Variants in ARID5B observed in about 807,000 individuals in gnomAD.
ARID5B encodes the protein AT-rich interaction domain 5B.
Under a neutral mutation model 97.2 loss-of-function variants are expected in ARID5B, and 13 were observed. The ratio of observed to expected loss-of-function variants is 0.13; its 90% confidence interval spans 0.09 to 0.21. The LOEUF is 0.21. Ranked by LOEUF, ARID5B falls within the 10% of genes least tolerant of loss-of-function variation. The probability of loss-of-function intolerance (pLI) is 1.00; values close to 1 mark genes in which losing one functional copy is unlikely to be tolerated. For missense variants in ARID5B, 1,210 were observed against 1,465.3 expected (o/e 0.83, Z 2.84); for synonymous variants, 556 against 570.3 (o/e 0.97, Z 0.36).
In ARID5B at chr10:62,057,852, A is replaced by G. The variant is rs185984322; in HGVS notation, c.1048+534A>G. ...AATTTTGAATTACTTTGACATGTAC[A>G]TTTAAATATAAGTGTCATTGTATAT... On this transcript the variant is annotated intron_variant, in intron 6 of 9. Coordinates refer to ENST00000279873, the MANE Select transcript of ARID5B (RefSeq NM_032199.3). Among the ~76,000 whole-genome samples, 16 of 152,324 alleles carry G rather than the reference A, an allele frequency of 1.1e-4. No individual in the cohort carries two copies. In the East Asian group the frequency reaches 3.1e-3, roughly 29 times the overall value.
At chr10:62,036,548 A>G (rs1839566807) in intron 4 of ARID5B, among the ~76,000 whole-genome samples, 1 of 152,220 alleles carries the variant, frequency 6.6e-6, no homozygotes, top group African/African-American at 2.4e-5. Flanking sequence ...CCTGCGCTTC[A>G]TGCACTCCAA....
chr10:61,920,390 C>A (rs1053940663), intron 2 of ARID5B, among the ~76,000 whole-genome samples: 3 of 149,582 alleles, frequency 2.0e-5, no homozygotes, highest in African/African-American at 7.4e-5. Flanking sequence ...AGTGCAATGG[C>A]GCAATCTCGG....
intron 8 of ARID5B, among the ~76,000 whole-genome samples, chr10:62,074,142 A>C (rs1840098430): frequency 6.6e-6 from 1 of 152,226 alleles, no homozygotes; most frequent in Admixed American, 6.5e-5. Context: ...AATAAATTAC[A>C]TGGTCTGTTT....
intron 2 of ARID5B, among the ~76,000 whole-genome samples, chr10:61,906,603 G>C (rs761855964): frequency 6.6e-6 from 1 of 152,178 alleles, no homozygotes; most frequent in Non-Finnish European, 1.5e-5. Flanking sequence ...TGATGTCCAG[G>C]AGTCAAGATC....
At chr10:61,912,508 C>T (rs1259667825) in intron 2 of ARID5B, among the ~76,000 whole-genome samples, 1 of 151,912 alleles carries the variant, frequency 6.6e-6, no homozygotes, top group Non-Finnish European at 1.5e-5. Flanking sequence ...ATATGTACAT[C>T]AAATCATCAC....
chr10:62,095,981 A>G lies in ARID5B; in HGVS notation c.*2951A>G, dbSNP rs1367137332. ...TGGAGATTTGGAGATTCTAAATAAT[A>G]TTTTTAAAAAACTTCCATGCAACTT... On this transcript the variant is annotated 3_prime_UTR_variant, in exon 10 of 10. Transcript: ENST00000279873. 4.3e-6 allele frequency: 1 copy of G among 232,490 alleles called. No individual in the cohort carries two copies. Among genetic ancestry groups the G allele is most frequent in the East Asian group, 6.1e-5 (1 of 16,442 alleles). 14.4% of individuals were successfully genotyped at this position (232,490 alleles called of 1,614,324 possible).
chr10:61,903,184 G>T (rs559577155), intron 2 of ARID5B, among the ~76,000 whole-genome samples: 7 of 152,078 alleles, frequency 4.6e-5, no homozygotes, highest in African/African-American at 1.7e-4. Flanking sequence ...GGGGGCGGGG[G>T]AGGGGAGGGC....
At chr10:62,019,671 A>ATTTGTTTTACTC (rs1481498250) in intron 4 of ARID5B, among the ~76,000 whole-genome samples, 6 of 152,318 alleles carry the variant, frequency 3.9e-5, no homozygotes, top group African/African-American at 1.4e-4. Context: ...AACAAATGTA[A>ATTTGTTTTACTC]TTTTAGTTTG....
At chr10:61,999,052 T>C (rs1386961280) in intron 3 of ARID5B, among the ~76,000 whole-genome samples, 1 of 152,238 alleles carries the variant, frequency 6.6e-6, no homozygotes, top group Non-Finnish European at 1.5e-5. Flanking sequence ...ACACTGGGTC[T>C]TAAAGCAACC....
At chr10:61,922,788 C>T (rs906901457) in intron 2 of ARID5B, among the ~76,000 whole-genome samples, 5 of 152,188 alleles carry the variant, frequency 3.3e-5, no homozygotes, top group Admixed American at 6.5e-5. Flanking sequence ...GTTGTGTATA[C>T]GTCAGGAGAG....
intron 2 of ARID5B, among the ~76,000 whole-genome samples, chr10:61,930,693 C>A (rs1419782710): frequency 6.8e-6 from 1 of 146,270 alleles, no homozygotes; most frequent in African/African-American, 2.6e-5. Flanking sequence ...GCACTCCAGC[C>A]TGGGCGACAG....
chr10:62,090,722 A>G, intron 9 of ARID5B, 140 bp from the exon 10 acceptor site: 1 of 1,066,786 alleles, frequency 9.4e-7, no homozygotes, highest in Non-Finnish European at 1.3e-6. Flanking sequence ...TTGGGGAGTA[A>G]TAAAGCTTTA....
At chr10:61,961,364 T>G (rs1373724248) in intron 3 of ARID5B, among the ~76,000 whole-genome samples, 1 of 152,192 alleles carries the variant, frequency 6.6e-6, no homozygotes, top group African/African-American at 2.4e-5. Flanking sequence ...ATACCACAGT[T>G]AAGTCATTTC....
At chr10:61,912,821 C>A (rs189580145) in intron 2 of ARID5B, among the ~76,000 whole-genome samples, 1 of 152,064 alleles carries the variant, frequency 6.6e-6, no homozygotes, top group Non-Finnish European at 1.5e-5. Flanking sequence ...AGCCAAGTTA[C>A]CCCCCAGTTG....
At position 62,092,712 on chromosome 10, in the gene ARID5B, C is replaced by T. The variant is rs763918417; in HGVS notation, c.3249C>T (p.Ser1083=). 6.8e-6 allele frequency: 11 copies of T among 1,613,946 alleles called. 1 individual carries two copies. The highest frequency in any genetic ancestry group is 1.7e-5 in the Admixed American group (1 of 59,998). ...LSSPIFPGLY[S]GSLCNSGLNS... The stretch of plus-strand genomic sequence containing the variant: ...CCCCTATCTTCCCAGGTCTGTATTC[C>T]GGGAGCCTGTGTAACTCGGGCCTCA... Residue 1083 remains serine, a synonymous_variant, in exon 10 of 10, where the codon TCC becomes TCT. Coordinates refer to ENST00000279873, the MANE Select transcript of ARID5B (RefSeq NM_032199.3).
At chr10:61,940,127 A>T in intron 2 of ARID5B, 56 bp from the exon 3 acceptor site, 1 of 1,538,378 alleles carries the variant, frequency 6.5e-7, no homozygotes, top group Non-Finnish European at 9.0e-7. Context: ...AGAGTGGATC[A>T]TTTCCCTCAA....
chr10:62,092,492 G>C lies in ARID5B; in HGVS notation c.3029G>C (p.Arg1010Pro), dbSNP rs137983907. Residue 1010 changes from arginine to proline, a missense_variant, in exon 10 of 10, where the codon CGG becomes CCG. By Grantham distance (103) the Arg-to-Pro change is moderately radical (BLOSUM62 -2). Around this residue, in one of 8 missense-constraint regions of ARID5B, gnomAD observed 800 missense variants for 839.1 expected, o/e 0.95. Coordinates refer to ENST00000279873, the MANE Select transcript of ARID5B (RefSeq NM_032199.3). ...KMSPQNIGAA[R>P]PIKRSLEDLD... ...AGCCCGCAGAACATTGGGGCGGCGC[G>C]GCCGATCAAGCGCAGCCTGGAGGAT... 1 of 1,614,036 alleles carries C rather than the reference G, an allele frequency of 6.2e-7. No individual in the cohort carries two copies. The highest frequency in any genetic ancestry group is 1.3e-5 in the African/African-American group (1 of 74,934).
chr10:61,923,585 T>TA (rs1315912895), intron 2 of ARID5B, among the ~76,000 whole-genome samples: 9 of 152,252 alleles, frequency 5.9e-5, no homozygotes, highest in Non-Finnish European at 1.3e-4. Context: ...GCTAAGGGCT[T>TA]ACGTTTACTG....
chr10:62,092,878 C>G lies in ARID5B; in HGVS notation c.3415C>G (p.Gln1139Glu). The change falls in exon 10 of 10, where the codon CAG (glutamine) becomes GAG (glutamate). Residue 1139 changes from glutamine to glutamate, a missense_variant. Gln to Glu is a conservative substitution (Grantham distance 29). Transcript: ENST00000279873. ...TTTTACATCACCGACAAATTCTCAG[C>G]AGCTGTACAGACACTTGGCTGCGGC... ...GIFTSPTNSQ[Q>E]LYRHLAAATP... 6.2e-7 allele frequency: 1 copy of G among 1,614,228 alleles called. No homozygotes were observed.
Sources: allele counts gnomAD v4.1 joint callset (sites outside exome capture counted in the v4.1 genomes callset), GRCh38; gene constraint gnomAD v4.1.1; regional missense constraint gnomAD v4.1.1; transcripts MANE v1.5; gene names NCBI Gene and HGNC (gene_info 2026-07-23, HGNC 2026-07-21).